The following RLF variants were observed in gnomAD, a reference collection of about 807,000 sequenced individuals.
RLF encodes RLF zinc finger, also known as zinc finger protein Rlf.
RLF carries 7 observed loss-of-function variants against 162.9 expected under a neutral mutation model. That is an observed-to-expected ratio of 0.04 (90% confidence interval 0.02 to 0.08). The LOEUF (loss-of-function observed/expected upper bound fraction) is 0.08. RLF is among the 10% of genes least tolerant of loss of function. RLF has a pLI of 1.00. For missense variants in RLF, 1,664 were observed against 2,244.7 expected, an observed-to-expected ratio of 0.74 and a Z score of 5.23; for synonymous variants, 782 against 791.5, an observed-to-expected ratio of 0.99 and a Z score of 0.20.
chr1:40,187,827 C>T (rs11590331), intron 1 of RLF, among the ~76,000 whole-genome samples: 9,093 of 152,150 alleles, frequency 0.06, 395 homozygotes, highest in East Asian at 0.22. Context: ...CAGAATCCTG[C>T]GCTACTATTG....
chr1:40,198,797 T>G (rs1349952927), intron 4 of RLF, among the ~76,000 whole-genome samples: 1 of 152,176 alleles, frequency 6.6e-6, no homozygotes, highest in African/African-American at 2.4e-5. Context: ...AATTTTGTAT[T>G]GAAATGTTTG....
Position 40,237,986 on chromosome 1 carries a change from C to G in RLF, c.3284C>G (p.Ser1095Cys). 1 of 1,614,136 alleles carries G rather than the reference C, an allele frequency of 6.2e-7. No homozygotes were observed. Among genetic ancestry groups the G allele is most frequent in the Admixed American group, 1.7e-5 (1 of 60,022 alleles). ...LQGYPSSGAK[S>C]LQSVSSISDL... ...GGGTACCCATCCAGTGGTGCTAAGT[C>G]TCTTCAGTCAGTTTCATCTATCTCA... Residue 1095 changes from serine (S) to cysteine (C), a missense_variant, in exon 8 of 8, where the codon TCT becomes TGT. Coordinates refer to ENST00000372771, the MANE Select transcript of RLF (RefSeq NM_012421.4). The surrounding 1 kb of genome is among the most constrained non-coding windows in gnomAD (Gnocchi z 4.4).
intron 1 of RLF, among the ~76,000 whole-genome samples, chr1:40,184,719 A>G (rs1360709268): frequency 1.3e-5 from 2 of 152,188 alleles, no homozygotes; most frequent in Non-Finnish European, 2.9e-5. Context: ...TTTTACTTAT[A>G]TATCTGACCC....
intron 1 of RLF, among the ~76,000 whole-genome samples, chr1:40,173,153 C>T (rs1368360147): frequency 1.3e-5 from 2 of 150,502 alleles, no homozygotes; most frequent in Non-Finnish European, 2.9e-5. Context: ...CTCGGCTCCC[C>T]GCAATATCTG....
chr1:40,212,436 G>C (rs1642876037), intron 5 of RLF, among the ~76,000 whole-genome samples: 1 of 152,162 alleles, frequency 6.6e-6, no homozygotes, highest in Non-Finnish European at 1.5e-5. Context: ...ACATATTAAA[G>C]GATTTTAATA....
intron 6 of RLF, among the ~76,000 whole-genome samples, chr1:40,225,522 C>T (rs61778550): frequency 0.051 from 7,076 of 139,518 alleles, 510 homozygotes; most frequent in African/African-American, 0.17. Flanking sequence ...GAGGTTGCAG[C>T]GAGCTGAGAT....
intron 5 of RLF, among the ~76,000 whole-genome samples, chr1:40,216,219 A>G (rs1642922010): frequency 6.6e-6 from 1 of 152,188 alleles, no homozygotes; most frequent in South Asian, 2.1e-4. Flanking sequence ...CGGAGGCTCA[A>G]CGCCTGTAAT....
At chr1:40,171,217 CAG>C (rs1336532923) in intron 1 of RLF, among the ~76,000 whole-genome samples, 2 of 151,888 alleles carry the variant, frequency 1.3e-5, no homozygotes, top group Non-Finnish European at 2.9e-5. Flanking sequence ...TTTGTAGAGA[CAG>C]GGTCTCACTG....
At chr1:40,197,721 A>G (rs770499915) in intron 4 of RLF, among the ~76,000 whole-genome samples, 8 of 152,242 alleles carry the variant, frequency 5.3e-5, no homozygotes, top group African/African-American at 1.2e-4. Context: ...CATGATACCT[A>G]CATATCCAAG....
chr1:40,220,777 T>C (rs1642981271), intron 5 of RLF, among the ~76,000 whole-genome samples: 1 of 152,134 alleles, frequency 6.6e-6, no homozygotes. Flanking sequence ...AGAGCTGTGC[T>C]CTTGTCCTCA....
chr1:40,167,343 C>CGATATCTAAA (rs1642181593), intron 1 of RLF, among the ~76,000 whole-genome samples: 1 of 152,086 alleles, frequency 6.6e-6, no homozygotes, highest in Non-Finnish European at 1.5e-5. Flanking sequence ...TTCTTTTTAG[C>CGATATCTAAA]GATATCTAAA....
At chr1:40,208,783 C>T (rs1175704588) in intron 5 of RLF, among the ~76,000 whole-genome samples, 1 of 152,176 alleles carries the variant, frequency 6.6e-6, no homozygotes, top group Non-Finnish European at 1.5e-5. Flanking sequence ...CACCACTGCA[C>T]TGCAGCCTAG....
intron 6 of RLF, among the ~76,000 whole-genome samples, chr1:40,226,033 A>T (rs1167154462): frequency 6.6e-6 from 1 of 152,156 alleles, no homozygotes; most frequent in African/African-American, 2.4e-5. Context: ...TATGGGTGAC[A>T]CAATGAGACC....
intron 1 of RLF, among the ~76,000 whole-genome samples, chr1:40,184,676 A>C (rs1642449046): frequency 6.6e-6 from 1 of 152,226 alleles, no homozygotes; most frequent in African/African-American, 2.4e-5. Flanking sequence ...GAGAGCACCG[A>C]ATAGTCAAAT....
intron 5 of RLF, among the ~76,000 whole-genome samples, chr1:40,222,165 G>A (rs1347734669): frequency 6.6e-6 from 1 of 151,928 alleles, no homozygotes; most frequent in Non-Finnish European, 1.5e-5. Flanking sequence ...TGATATTGAG[G>A]ATAAGCCATA....
intron 1 of RLF, among the ~76,000 whole-genome samples, chr1:40,173,864 G>A (rs1247023134): frequency 6.6e-6 from 1 of 152,132 alleles, no homozygotes; most frequent in African/African-American, 2.4e-5. Context: ...TCATGAAGCG[G>A]AACATGTCCA....
chr1:40,194,846 ATTTAT>A, intron 3 of RLF, among the ~76,000 whole-genome samples: 1 of 129,832 alleles, frequency 7.7e-6, no homozygotes, highest in Non-Finnish European at 1.7e-5. Context: ...TTATTTATTT[ATTTAT>A]GAGACGGAGT....
At chr1:40,192,247 C>T (rs1402279238) in intron 3 of RLF, among the ~76,000 whole-genome samples, 4 of 152,092 alleles carry the variant, frequency 2.6e-5, no homozygotes, top group Non-Finnish European at 2.9e-5. Flanking sequence ...GCCTGCCAGT[C>T]GTTTTGTTCT....
At chr1:40,189,656 G>A (rs1032538180) in intron 2 of RLF, among the ~76,000 whole-genome samples, 3 of 152,108 alleles carry the variant, frequency 2.0e-5, no homozygotes, top group Non-Finnish European at 4.4e-5. Context: ...GATTTAGCGC[G>A]GGCATGGTGG....
Sources: allele counts gnomAD v4.1 joint callset (sites outside exome capture counted in the v4.1 genomes callset), GRCh38; gene constraint gnomAD v4.1.1; non-coding constraint Gnocchi (gnomAD v3.1); transcripts MANE v1.5; gene names NCBI Gene and HGNC (gene_info 2026-07-23, HGNC 2026-07-21).